Variants in WDFY2 observed in about 807,000 individuals in gnomAD.
WDFY2 encodes the protein WD repeat and FYVE domain containing 2.
A neutral mutation model predicts 56.4 loss-of-function variants in WDFY2; 36 were observed. The ratio of observed to expected loss-of-function variants is 0.64; its 90% confidence interval spans 0.49 to 0.84. The LOEUF (loss-of-function observed/expected upper bound fraction) is 0.84. Ranked by LOEUF, WDFY2 falls within the 40% of genes least tolerant of loss-of-function variation. WDFY2 has a pLI of 0.00. For synonymous variants in WDFY2, 176 were observed against 183.7 expected, an observed-to-expected ratio of 0.96 and a Z score of 0.34; for missense variants, 444 against 512.2, an observed-to-expected ratio of 0.87 and a Z score of 1.29.
At chr13:51,664,397 A>G (rs1404818759) in intron 2 of WDFY2, among the ~76,000 whole-genome samples, 2 of 152,182 alleles carry the variant, frequency 1.3e-5, no homozygotes, top group African/African-American at 4.8e-5. Flanking sequence ...GGGCCATTTT[A>G]CTGGGAACAT....
chr13:51,750,202 G>T (rs1374988141), intron 7 of WDFY2, among the ~76,000 whole-genome samples: 7 of 152,118 alleles, frequency 4.6e-5, no homozygotes, highest in African/African-American at 1.4e-4. Flanking sequence ...TTAGAGGTTT[G>T]ATGTTCTGTG....
At chr13:51,639,572 T>C (rs1955117837) in intron 1 of WDFY2, among the ~76,000 whole-genome samples, 1 of 152,210 alleles carries the variant, frequency 6.6e-6, no homozygotes, top group African/African-American at 2.4e-5. Flanking sequence ...CAGATTTATT[T>C]AAAGTTTGTG....
chr13:51,608,722 A>AT (rs1954431673), intron 1 of WDFY2, among the ~76,000 whole-genome samples: 3 of 152,190 alleles, frequency 2.0e-5, no homozygotes, highest in Admixed American at 2.0e-4. Context: ...TTATTTTCTC[A>AT]TTTTTGGACA....
chr13:51,645,065 A>C (rs1165449752), intron 1 of WDFY2, among the ~76,000 whole-genome samples: 1 of 152,220 alleles, frequency 6.6e-6, no homozygotes, highest in African/African-American at 2.4e-5. Context: ...AATCATAGAG[A>C]AATCAACTTT....
Position 51,584,472 on chromosome 13 carries a change from C to T in WDFY2, c.-216C>T, listed in dbSNP as rs953625728. ...CCGCCCCCTCCTCTTGTAGTGGCGC[C>T]GGCTTGCATCCCAGGTCGTGGCGGT... On this transcript the variant is annotated 5_prime_UTR_variant, in exon 1 of 12. Coordinates refer to ENST00000298125, the MANE Select transcript of WDFY2 (RefSeq NM_052950.4). The T allele has an allele frequency of 8.5e-6, 5 of 587,782 alleles. No individual in the cohort carries two copies. Among genetic ancestry groups the T allele is most frequent in the South Asian group, 5.1e-5 (2 of 39,458 alleles). 36.4% of individuals were successfully genotyped at this position (587,782 alleles called of 1,614,324 possible).
chr13:51,619,789 A>C (rs1171188249), intron 1 of WDFY2, among the ~76,000 whole-genome samples: 1 of 152,220 alleles, frequency 6.6e-6, no homozygotes, highest in Admixed American at 6.5e-5. Context: ...AGAAAAAGGA[A>C]AGTGATGGAT....
chr13:51,664,413 C>T (rs1955665054), intron 2 of WDFY2, among the ~76,000 whole-genome samples: 1 of 152,118 alleles, frequency 6.6e-6, no homozygotes, highest in African/African-American at 2.4e-5. Flanking sequence ...AACATATAAA[C>T]CCAAGAGCTG....
intron 3 of WDFY2, among the ~76,000 whole-genome samples, chr13:51,695,315 A>G (rs1951843907): frequency 6.6e-6 from 1 of 151,836 alleles, no homozygotes; most frequent in African/African-American, 2.4e-5. Flanking sequence ...TTGTGGTTTT[A>G]TCTACTTTTG....
chr13:51,675,542 A>G (rs914604774), intron 3 of WDFY2, among the ~76,000 whole-genome samples: 2 of 152,342 alleles, frequency 1.3e-5, no homozygotes, highest in South Asian at 4.1e-4. Flanking sequence ...GCAAGCTATG[A>G]TACTAGTGGC....
intron 3 of WDFY2, among the ~76,000 whole-genome samples, chr13:51,693,165 T>C (rs1172380493): frequency 6.6e-6 from 1 of 152,238 alleles, no homozygotes; most frequent in Non-Finnish European, 1.5e-5. Context: ...TCATTAATTT[T>C]TTGAAGGTTT....
chr13:51,669,230 GTT>G (rs1036501157), intron 2 of WDFY2, among the ~76,000 whole-genome samples: 1 of 152,022 alleles, frequency 6.6e-6, no homozygotes, highest in African/African-American at 2.4e-5. Flanking sequence ...GCTTCTCTTT[GTT>G]TTGATTTTCA....
rs535983415 is a variant in WDFY2, at chr13:51,727,480, CTTTAAGT to C, written c.486-190_486-184del. On this transcript the variant is annotated intron_variant, in intron 5 of 11. Coordinates refer to ENST00000298125, the MANE Select transcript of WDFY2 (RefSeq NM_052950.4). ...TTAATTTAGGAGCAAGAAGTGACAT[CTTTAAGT>C]TTTAAGTCTTACTGTCCAATAATAC... Among the ~76,000 whole-genome samples, 241 of 152,250 alleles carry C rather than the reference CTTTAAGT, an allele frequency of 1.6e-3. No individual in the cohort carries two copies. In the Middle Eastern group the frequency reaches 0.017, roughly 11 times the overall value.
chr13:51,755,337 TTCTG>T lies in WDFY2; in HGVS notation c.832-19_832-16del, dbSNP rs1953343441. ...CCTGACTGCTGGCCACAGTGACCTG[TTCTG>T]TGCTTTATTTGACAAGACCCCTGAA... On this transcript the variant is annotated splice_polypyrimidine_tract_variant and intron_variant, in intron 8 of 11. Coordinates refer to ENST00000298125, the MANE Select transcript of WDFY2 (RefSeq NM_052950.4). 6.2e-7 allele frequency: 1 copy of T among 1,612,430 alleles called. No homozygotes were observed. The highest frequency in any genetic ancestry group is 1.3e-5 in the African/African-American group (1 of 74,896).
At chr13:51,738,727 T>C (rs753222784) in intron 6 of WDFY2, among the ~76,000 whole-genome samples, 22 of 152,226 alleles carry the variant, frequency 1.4e-4, no homozygotes, top group Non-Finnish European at 2.9e-5. Context: ...GTGGTTAATA[T>C]TTCCAAACAG....
intron 11 of WDFY2, 30 bp downstream of exon 11, chr13:51,758,330 C>CAAA: frequency 6.7e-7 from 1 of 1,498,492 alleles, no homozygotes; most frequent in Non-Finnish European, 9.2e-7. Context: ...AGAAGCTTTC[C>CAAA]ATCTTTGGCC....
chr13:51,713,187 G>T (rs530529472), intron 4 of WDFY2, among the ~76,000 whole-genome samples: 1 of 152,200 alleles, frequency 6.6e-6, no homozygotes, highest in South Asian at 2.1e-4. Context: ...AAAACTATAG[G>T]CCATCATTCT....
chr13:51,689,489 C>G (rs962204708), intron 3 of WDFY2, among the ~76,000 whole-genome samples: 2 of 152,080 alleles, frequency 1.3e-5, no homozygotes, highest in African/African-American at 4.8e-5. Flanking sequence ...TGCACAAACC[C>G]CAGTTATCTT....
chr13:51,632,390 C>T (rs1366849141), intron 1 of WDFY2, among the ~76,000 whole-genome samples: 1 of 151,546 alleles, frequency 6.6e-6, no homozygotes, highest in Admixed American at 6.6e-5. Flanking sequence ...AATATTATTT[C>T]TTCTGTTTTC....
At chr13:51,698,297 A>T (rs950284730) in intron 3 of WDFY2, among the ~76,000 whole-genome samples, 1 of 152,232 alleles carries the variant, frequency 6.6e-6, no homozygotes, top group Non-Finnish European at 1.5e-5. Flanking sequence ...CCAGTAGTGT[A>T]TCAAAGGAAG....
Sources: allele counts gnomAD v4.1 joint callset (sites outside exome capture counted in the v4.1 genomes callset), GRCh38; gene constraint gnomAD v4.1.1; transcripts MANE v1.5; gene names NCBI Gene and HGNC (gene_info 2026-07-23, HGNC 2026-07-21).